The following ACVR1C variants were observed in gnomAD, a reference collection of about 807,000 sequenced individuals.
ACVR1C encodes the protein activin receptor type-1C.
Under a neutral mutation model 57.9 loss-of-function variants are expected in ACVR1C, and 23 were observed. The ratio of observed to expected loss-of-function variants is 0.40; its 90% CI spans 0.29 to 0.56. ACVR1C has a LOEUF of 0.56. ACVR1C is among the 20% of genes least tolerant of loss of function. The probability of loss-of-function intolerance (pLI) is 0.50; values close to 1 mark genes in which losing one functional copy is unlikely to be tolerated. For missense variants in ACVR1C, 480 were observed against 607.9 expected, an observed-to-expected ratio of 0.79 and a Z score of 2.21; for synonymous variants, 214 against 215.3, an observed-to-expected ratio of 0.99 and a Z score of 0.05.
chr2:157,544,581 T>C lies in ACVR1C; in HGVS notation c.807A>G (p.Val269=), dbSNP rs945579829. The change falls in exon 5 of 9, where the codon GTA becomes GTG. Residue 269 remains valine (V), a synonymous_variant. Transcript: ENST00000243349. ...AGGAGCCCTGTTCATGATATTCAGATACCAGCCAAAGTTGAGTCCAAGTTC... is the reference window on the plus strand; with the variant it reads ...AGGAGCCCTGTTCATGATATTCAGACACCAGCCAAAGTTGAGTCCAAGTTC... ...DNGTWTQLWL[V]SEYHEQGSLY... 6.2e-7 allele frequency: 1 copy of C among 1,612,934 alleles called. No individual in the cohort carries two copies. The highest frequency in any genetic ancestry group is 2.2e-5 in the East Asian group (1 of 44,876).
chr2:157,561,997 A>G (rs2105230354), intron 2 of ACVR1C, among the ~76,000 whole-genome samples: 1 of 152,272 alleles, frequency 6.6e-6, no homozygotes, highest in East Asian at 1.9e-4. Context: ...GCAACTTCAC[A>G]AGTGAAAATA....
At chr2:157,588,567 T>G (rs1218891043) in intron 1 of ACVR1C, among the ~76,000 whole-genome samples, 1 of 151,576 alleles carries the variant, frequency 6.6e-6, no homozygotes, top group Non-Finnish European at 1.5e-5. Context: ...CAATAGATAA[T>G]TTTTCATTCC....
intron 1 of ACVR1C, among the ~76,000 whole-genome samples, chr2:157,615,978 T>C (rs956697137): frequency 2.6e-5 from 4 of 152,172 alleles, no homozygotes; most frequent in Non-Finnish European, 4.4e-5. Flanking sequence ...ATATGGTCTA[T>C]TGGTGTAGGG....
intron 2 of ACVR1C, among the ~76,000 whole-genome samples, chr2:157,579,947 T>C (rs915103272): frequency 1.3e-5 from 2 of 152,140 alleles, no homozygotes; most frequent in Non-Finnish European, 2.9e-5. Context: ...TATTTGACCA[T>C]TTGGATTTTC....
intron 1 of ACVR1C, among the ~76,000 whole-genome samples, chr2:157,603,152 G>C (rs1237127747): frequency 6.6e-6 from 1 of 152,164 alleles, no homozygotes; most frequent in African/African-American, 2.4e-5. Flanking sequence ...CTTGAAAGCA[G>C]GGCTGTCCCT....
At chr2:157,599,057 G>C (rs948016577) in intron 1 of ACVR1C, among the ~76,000 whole-genome samples, 1 of 151,868 alleles carries the variant, frequency 6.6e-6, no homozygotes, top group Non-Finnish European at 1.5e-5. Context: ...TGAATAGGCC[G>C]GTCGCGGTGG....
At chr2:157,578,346 C>A (rs926617784) in intron 2 of ACVR1C, among the ~76,000 whole-genome samples, 3 of 152,120 alleles carry the variant, frequency 2.0e-5, no homozygotes, top group Admixed American at 6.5e-5. Context: ...CTTAAAAATT[C>A]TTTTACCCTT....
chr2:157,592,812 T>A lies in ACVR1C; in HGVS notation c.74-5395A>T, dbSNP rs188913223. On this transcript the variant is annotated intron_variant, in intron 1 of 8. Transcript: ENST00000243349. ...TCAAAAAAAACTGATGTTCATTGAG[T>A]CAATTATACTACAATATTCTGTGAC... 2.6e-3 allele frequency among the ~76,000 whole-genome samples: 397 copies of A among 152,226 alleles called. 3 individuals carry two copies. Among genetic ancestry groups the A allele is most frequent in the South Asian group, 4.6e-3 (22 of 4,820 alleles).
intron 1 of ACVR1C, among the ~76,000 whole-genome samples, chr2:157,588,827 C>A (rs1308441172): frequency 2.3e-5 from 3 of 131,710 alleles, no homozygotes; most frequent in East Asian, 4.1e-4. Flanking sequence ...CATATATACA[C>A]AAATACATAC....
chr2:157,587,200 C>T lies in ACVR1C; in HGVS notation c.291G>A (p.Leu97=), dbSNP rs760771507. The change falls in exon 2 of 9, where the codon CTG becomes CTA. Residue 97 remains leucine, a synonymous_variant. Coordinates refer to ENST00000243349, the MANE Select transcript of ACVR1C (RefSeq NM_145259.3). ...CFTDFCNNIT[L]HLPTASPNAP... Reference sequence around the variant, plus strand: ...TAAACCCCTTACCTGTTGGAAGGTGCAGTGTTATGTTGTTGCAAAAATCTG... The same window carrying T: ...TAAACCCCTTACCTGTTGGAAGGTGTAGTGTTATGTTGTTGCAAAAATCTG... 3.1e-6 allele frequency: 5 copies of T among 1,611,622 alleles called. No individual in the cohort carries two copies. In the South Asian group the frequency reaches 5.5e-5, roughly 18 times the overall value.
At chr2:157,615,932 A>G (rs1029103685) in intron 1 of ACVR1C, among the ~76,000 whole-genome samples, 1 of 152,106 alleles carries the variant, frequency 6.6e-6, no homozygotes, top group East Asian at 1.9e-4. Flanking sequence ...AAGATTTTCT[A>G]TTTATCTTTG....
At chr2:157,620,303 T>G (rs1682743059) in intron 1 of ACVR1C, among the ~76,000 whole-genome samples, 1 of 152,060 alleles carries the variant, frequency 6.6e-6, no homozygotes, top group Admixed American at 6.6e-5. Context: ...CAAGTAGAAT[T>G]TAAGTGAGAA....
At chr2:157,587,143 A>G in intron 2 of ACVR1C, 44 bp downstream of exon 2, 1 of 1,493,702 alleles carries the variant, frequency 6.7e-7, no homozygotes, top group South Asian at 1.1e-5. Context: ...ATAGTTTCCC[A>G]AGAGTAAAAT....
At chr2:157,582,518 C>T (rs1688815529) in intron 2 of ACVR1C, among the ~76,000 whole-genome samples, 3 of 152,242 alleles carry the variant, frequency 2.0e-5, no homozygotes, top group South Asian at 4.1e-4. Context: ...AATATCCATT[C>T]AAGATTTTAA....
At chr2:157,585,404 T>G (rs1019043541) in intron 2 of ACVR1C, among the ~76,000 whole-genome samples, 13 of 152,198 alleles carry the variant, frequency 8.5e-5, no homozygotes, top group Non-Finnish European at 1.9e-4. Context: ...ACTGATTAAC[T>G]TAAGGGTAGA....
intron 3 of ACVR1C, among the ~76,000 whole-genome samples, chr2:157,553,586 C>T (rs1399009738): frequency 6.6e-6 from 1 of 152,092 alleles, no homozygotes; most frequent in East Asian, 1.9e-4. Context: ...ATCTGAATTG[C>T]TTTCATTTGA....
At chr2:157,594,598 C>T (rs1682041336) in intron 1 of ACVR1C, among the ~76,000 whole-genome samples, 1 of 152,120 alleles carries the variant, frequency 6.6e-6, no homozygotes, top group Non-Finnish European at 1.5e-5. Context: ...TTTCCAATAT[C>T]AGCATGAAAT....
At chr2:157,578,498 T>C (rs1171909654) in intron 2 of ACVR1C, among the ~76,000 whole-genome samples, 4 of 152,206 alleles carry the variant, frequency 2.6e-5, no homozygotes, top group Admixed American at 1.3e-4. Flanking sequence ...TTGTCAATAA[T>C]GTTCTTTAGA....
intron 1 of ACVR1C, among the ~76,000 whole-genome samples, chr2:157,618,861 G>A (rs1029892135): frequency 1.3e-5 from 2 of 151,658 alleles, no homozygotes; most frequent in African/African-American, 4.8e-5. Context: ...AATCCTAATT[G>A]TGTATGTACC....
Sources: allele counts gnomAD v4.1 joint callset (sites outside exome capture counted in the v4.1 genomes callset), GRCh38; gene constraint gnomAD v4.1.1; transcripts MANE v1.5; gene names NCBI Gene and HGNC (gene_info 2026-07-23, HGNC 2026-07-21).